GPHN: variants seen among roughly 807,000 people sequenced by gnomAD.
The protein encoded by GPHN is gephyrin.
A neutral mutation model predicts 95.5 loss-of-function variants in GPHN; 17 were observed. That is an observed-to-expected ratio of 0.18 (90% CI 0.12 to 0.27). GPHN has a LOEUF of 0.27. GPHN is among the 10% of genes least tolerant of loss of function. GPHN has a pLI of 1.00. For synonymous variants in GPHN, 320 were observed against 322.5 expected (o/e 0.99, Z 0.08); for missense variants, 660 against 978.1 (o/e 0.67, Z 4.34).
the GPHN span, chr14:67,662,495 T>C: frequency 6.2e-7 from 1 of 1,612,466 alleles, no homozygotes; most frequent in Non-Finnish European, 8.5e-7. Context: ...TTGCTTCCTG[T>C]TGCTTTTCAT....
the GPHN span, among the ~76,000 whole-genome samples, chr14:67,491,659 G>C: frequency 6.6e-6 from 1 of 152,152 alleles, no homozygotes; most frequent in Admixed American, 6.6e-5. Flanking sequence ...ATGCCTAAAG[G>C]CCCACTGGGG....
intron 11 of GPHN, among the ~76,000 whole-genome samples, chr14:67,072,836 A>G (rs901903286): frequency 2.0e-5 from 3 of 151,862 alleles, no homozygotes; most frequent in Non-Finnish European, 4.4e-5. Context: ...TCATTTGGAT[A>G]TAACAGTGAA....
At chr14:66,652,439 C>G (rs1222265644) in intron 1 of GPHN, among the ~76,000 whole-genome samples, 2 of 151,564 alleles carry the variant, frequency 1.3e-5, no homozygotes, top group African/African-American at 2.4e-5. Flanking sequence ...TCTATGTAAC[C>G]TACCACATGT....
chr14:66,626,256 C>A (rs2063523524), intron 1 of GPHN, among the ~76,000 whole-genome samples: 1 of 152,026 alleles, frequency 6.6e-6, no homozygotes, highest in Non-Finnish European at 1.5e-5. Flanking sequence ...GTAAATGGAG[C>A]CTAAAATGCA....
the GPHN span, among the ~76,000 whole-genome samples, chr14:67,680,885 T>A: frequency 6.6e-6 from 1 of 152,256 alleles, no homozygotes; most frequent in Non-Finnish European, 1.5e-5. Flanking sequence ...TACAATGCTA[T>A]AGTAATCAAG....
At chr14:66,749,834 G>T (rs1595776920) in intron 2 of GPHN, among the ~76,000 whole-genome samples, 2 of 147,624 alleles carry the variant, frequency 1.4e-5, no homozygotes, top group South Asian at 2.2e-4. Context: ...ACAAAGCAGG[G>T]TTTTTTTTTT....
chr14:67,565,719 G>C, the GPHN span, among the ~76,000 whole-genome samples: 1 of 152,330 alleles, frequency 6.6e-6, no homozygotes, highest in East Asian at 1.9e-4. Flanking sequence ...GGCAGCAGGA[G>C]GAATGAGGTC....
intron 1 of GPHN, among the ~76,000 whole-genome samples, chr14:66,526,939 T>C (rs1947168814): frequency 6.6e-6 from 1 of 152,168 alleles, no homozygotes; most frequent in African/African-American, 2.4e-5. Context: ...AAATTTTCTT[T>C]TTTTGTTGTG....
At chr14:67,687,467 CTTTTTTTT>C in the GPHN span, among the ~76,000 whole-genome samples, 10 of 79,696 alleles carry the variant, frequency 1.3e-4, no homozygotes, top group Non-Finnish European at 2.6e-4. Flanking sequence ...CTCCATATTC[CTTTTTTTT>C]TTTTTTTTTT....
the GPHN span, among the ~76,000 whole-genome samples, chr14:67,551,590 G>T: frequency 3.3e-5 from 5 of 152,076 alleles, no homozygotes; most frequent in African/African-American, 2.4e-5. Context: ...TCTCTCCCGT[G>T]GGTGCAAGGC....
chr14:66,803,215 G>C (rs1364910878), intron 3 of GPHN, among the ~76,000 whole-genome samples: 2 of 152,156 alleles, frequency 1.3e-5, no homozygotes, highest in Non-Finnish European at 2.9e-5. Context: ...GGGCAACACC[G>C]AGTTCAGTGC....
At chr14:66,579,446 A>C (rs191199931) in intron 1 of GPHN, among the ~76,000 whole-genome samples, 1 of 151,752 alleles carries the variant, frequency 6.6e-6, no homozygotes, top group South Asian at 2.1e-4. Context: ...TCCAAACTAT[A>C]TGCTGTTAAT....
intron 17 of GPHN, among the ~76,000 whole-genome samples, chr14:67,138,974 G>A (rs1212917962): frequency 7.2e-6 from 1 of 139,474 alleles, no homozygotes; most frequent in Non-Finnish European, 1.5e-5. Flanking sequence ...TGTAATCCCA[G>A]CACTTTGGGA....
intron 4 of GPHN, among the ~76,000 whole-genome samples, chr14:66,829,374 C>T (rs2061499866): frequency 6.6e-6 from 1 of 152,106 alleles, no homozygotes; most frequent in African/African-American, 2.4e-5. Context: ...AGGCATGAAC[C>T]ACTGTGCCTG....
At chr14:66,972,424 A>C (rs1438241082) in intron 9 of GPHN, among the ~76,000 whole-genome samples, 1 of 152,012 alleles carries the variant, frequency 6.6e-6, no homozygotes, top group Admixed American at 6.6e-5. Context: ...ATAATTTATT[A>C]GTTATTTCAT....
At chr14:67,183,185 A>G (rs117054108), downstream of GPHN, among the ~76,000 whole-genome samples, 2,926 of 152,336 alleles carry the variant, frequency 0.019, 38 homozygotes, top group Middle Eastern at 0.034. Context: ...GAAATTAAAC[A>G]TATGAAATGT....
chr14:67,101,908 G>C (rs1477819114), intron 13 of GPHN, among the ~76,000 whole-genome samples: 1 of 151,160 alleles, frequency 6.6e-6, no homozygotes, highest in Non-Finnish European at 1.5e-5. Flanking sequence ...GTCTTGCTCT[G>C]TTGCCCAGGC....
At chr14:67,557,437 G>T in the GPHN span, 1 of 1,609,670 alleles carries the variant, frequency 6.2e-7, no homozygotes, top group South Asian at 1.1e-5. Context: ...TCATGCGCAA[G>T]GGAGCACCAT....
the GPHN span, among the ~76,000 whole-genome samples, chr14:67,348,258 G>C: frequency 6.6e-6 from 1 of 151,808 alleles, no homozygotes; most frequent in Non-Finnish European, 1.5e-5. Context: ...ATTTTTAGTA[G>C]AGACAGGATT....
Sources: allele counts gnomAD v4.1 joint callset (sites outside exome capture counted in the v4.1 genomes callset), GRCh38; gene constraint gnomAD v4.1.1; transcripts MANE v1.5; gene names NCBI Gene and HGNC (gene_info 2026-07-23, HGNC 2026-07-21).